PCDHB3: variants seen among roughly 807,000 people sequenced by gnomAD.
PCDHB3 encodes protocadherin beta-3.
For synonymous variants in PCDHB3, 479 were observed against 456.0 expected (o/e 1.05, Z -0.64); for missense variants, 967 against 1,012.1 (o/e 0.96, Z 0.60).
In PCDHB3 at chr5:141,101,944, A is replaced by C. The variant is rs1362240129; in HGVS notation, c.1295A>C (p.Lys432Thr). The part of the protein sequence containing the change: ...TITDLGTPRL[K>T]TKYNITVLVS... ...ACTGACCTGGGGACACCCAGGCTGA[A>C]AACCAAGTACAACATAACCGTGCTG... Residue 432 changes from lysine to threonine, a missense_variant, in exon 1 of 1, where the codon AAA becomes ACA. By Grantham distance (78) the Lys-to-Thr change is moderately conservative. Transcript: ENST00000231130. 2 of 1,613,900 alleles carry C rather than the reference A, an allele frequency of 1.2e-6. No homozygotes were observed. The highest frequency in any genetic ancestry group is 1.7e-6 in the Non-Finnish European group (2 of 1,180,034).
rs1554272419 is a variant in PCDHB3 at position 141,101,963 on chromosome 5, C to A, written c.1314C>A (p.Thr438=). 1.2e-6 allele frequency: 2 copies of A among 1,613,766 alleles called. No homozygotes were observed. The highest frequency in any genetic ancestry group is 1.7e-5 in the Admixed American group (1 of 60,028). Residue 438 remains threonine, a synonymous_variant, in exon 1 of 1, where the codon ACC becomes ACA. Transcript: ENST00000231130. The part of the protein sequence containing the change: ...TPRLKTKYNI[T]VLVSDVNDNA... ...GGCTGAAAACCAAGTACAACATAAC[C>A]GTGCTGGTCTCCGACGTCAATGACA...
At position 141,103,140 on chromosome 5, in the gene PCDHB3, G is replaced by A; in HGVS notation, c.*100G>A. ...AGAGGTCTTTTTTGGTCTGGTTCAA[G>A]GCAAGTAGCAAGAATAGAGCAAAAT... is the stretch of plus-strand genomic sequence containing the variant. On this transcript the variant is annotated 3_prime_UTR_variant, in exon 1 of 1. Coordinates refer to ENST00000231130, the MANE Select transcript of PCDHB3 (RefSeq NM_018937.5). The A allele has an allele frequency of 2.8e-6, 4 of 1,410,060 alleles. No individual in the cohort carries two copies. The highest frequency in any genetic ancestry group is 3.9e-6 in the Non-Finnish European group (4 of 1,038,326). The allele number at this position is 1,410,060 out of a possible 1,614,324, so 87.3% of individuals were successfully genotyped here. A position where few individuals can be genotyped will look rare whatever the true frequency, so the allele number is the denominator to read the frequency against.
Position 141,101,774 on chromosome 5 carries a change from T to G in PCDHB3, c.1125T>G (p.Ser375=). The G allele has an allele frequency of 6.2e-7, 1 of 1,614,158 alleles. No homozygotes were observed. Among genetic ancestry groups the G allele is most frequent in the South Asian group, 1.1e-5 (1 of 91,080 alleles). The change falls in exon 1 of 1, where the codon TCT becomes TCG. Residue 375 remains serine (S), a synonymous_variant. Coordinates refer to ENST00000231130, the MANE Select transcript of PCDHB3 (RefSeq NM_018937.5). ...TTTTCAGTGTTTCTGATCTAGACTCTGGAGACAACGGAAGAGTGATGTGTT... is the reference window on the plus strand; with the variant it reads ...TTTTCAGTGTTTCTGATCTAGACTCGGGAGACAACGGAAGAGTGATGTGTT... The part of the protein sequence containing the change: ...LAVFSVSDLD[S]GDNGRVMCSI...
In PCDHB3 at chr5:141,101,168, T is replaced by G. The variant is rs782484013; in HGVS notation, c.519T>G (p.Thr173=). The G allele has an allele frequency of 6.2e-7, 1 of 1,613,902 alleles. No individual in the cohort carries two copies. The highest frequency in any genetic ancestry group is 1.7e-5 in the Admixed American group (1 of 59,994). The part of the protein sequence containing the change: ...GRNSLQNYTI[T]PNSHFHVLTR... Reference sequence around the variant, plus strand: ...ACAGCCTCCAAAACTACACTATCACTCCGAATTCCCACTTCCACGTACTCA... The same window carrying G: ...ACAGCCTCCAAAACTACACTATCACGCCGAATTCCCACTTCCACGTACTCA... Residue 173 remains threonine (T), a synonymous_variant, in exon 1 of 1, where the codon ACT becomes ACG. Coordinates refer to ENST00000231130, the MANE Select transcript of PCDHB3 (RefSeq NM_018937.5).
Position 141,101,331 on chromosome 5 carries a change from A to C in PCDHB3, c.682A>C (p.Ile228Leu). 1 of 1,614,186 alleles carries C rather than the reference A, an allele frequency of 6.2e-7. No individual in the cohort carries two copies. Among genetic ancestry groups the C allele is most frequent in the Non-Finnish European group, 8.5e-7 (1 of 1,180,044 alleles). Reference sequence around the variant, plus strand: ...TCCCCCTCGGTCTGGGACAGCCCAGATAAACATCCAGGTCTTAGATATAAA... The same window carrying C: ...TCCCCCTCGGTCTGGGACAGCCCAGCTAAACATCCAGGTCTTAGATATAAA... ...GSPPRSGTAQ[I>L]NIQVLDINDN... The change falls in exon 1 of 1, where the codon ATA becomes CTA. Residue 228 changes from isoleucine to leucine, a missense_variant. Coordinates refer to ENST00000231130, the MANE Select transcript of PCDHB3 (RefSeq NM_018937.5).
At position 141,100,662 on chromosome 5, in the gene PCDHB3, G is replaced by A. The variant is rs1751913122; in HGVS notation, c.13G>A (p.Gly5Arg). 5 of 1,599,968 alleles carry A rather than the reference G, an allele frequency of 3.1e-6. No homozygotes were observed. The highest frequency in any genetic ancestry group is 4.3e-6 in the Non-Finnish European group (5 of 1,172,364). Reference protein sequence around the residue: MEAGGERFLRQRQVL... With the variant: MEAGRERFLRQRQVL... Reference sequence around the variant, plus strand: ...GACGGAAAGTGCAATGGAGGCGGGAGGAGAGCGATTTCTTAGACAAAGGCA... The same window carrying A: ...GACGGAAAGTGCAATGGAGGCGGGAAGAGAGCGATTTCTTAGACAAAGGCA... Residue 5 changes from glycine to arginine, a missense_variant, in exon 1 of 1, where the codon GGA (glycine) becomes AGA (arginine). Coordinates refer to ENST00000231130, the MANE Select transcript of PCDHB3 (RefSeq NM_018937.5).
In PCDHB3 at chr5:141,101,788, G is replaced by A; in HGVS notation, c.1139G>A (p.Arg380Lys). 1.2e-6 allele frequency: 2 copies of A among 1,614,098 alleles called. No individual in the cohort carries two copies. Among genetic ancestry groups the A allele is most frequent in the Non-Finnish European group, 1.7e-6 (2 of 1,180,032 alleles). ...VSDLDSGDNGRVMCSIENNLP... is the reference protein window; with the variant it reads ...VSDLDSGDNGKVMCSIENNLP... Reference sequence around the variant, plus strand: ...GATCTAGACTCTGGAGACAACGGAAGAGTGATGTGTTCCATTGAGAACAAT... The same window carrying A: ...GATCTAGACTCTGGAGACAACGGAAAAGTGATGTGTTCCATTGAGAACAAT... The change falls in exon 1 of 1, where the codon AGA (arginine) becomes AAA (lysine). Residue 380 changes from arginine (R) to lysine (K), a missense_variant. By Grantham distance (26) the Arg-to-Lys change is conservative. Coordinates refer to ENST00000231130, the MANE Select transcript of PCDHB3 (RefSeq NM_018937.5).
rs1751918860 is a variant in PCDHB3, at chr5:141,100,834, G to C, written c.185G>C (p.Arg62Thr). 2 of 1,614,092 alleles carry C rather than the reference G, an allele frequency of 1.2e-6. No homozygotes were observed. The highest frequency in any genetic ancestry group is 4.5e-5 in the East Asian group (2 of 44,872). The part of the protein sequence containing the change: ...LGLRVEELAA[R>T]GAQVVSKGNK... ...CTAAGGGTAGAGGAACTGGCCGCGAGGGGGGCCCAAGTTGTGTCCAAAGGG... is the reference window on the plus strand; with the variant it reads ...CTAAGGGTAGAGGAACTGGCCGCGACGGGGGCCCAAGTTGTGTCCAAAGGG... Residue 62 changes from arginine (R) to threonine (T), a missense_variant, in exon 1 of 1, where the codon AGG becomes ACG. Arg to Thr is a moderately conservative substitution (Grantham distance 71). Coordinates refer to ENST00000231130, the MANE Select transcript of PCDHB3 (RefSeq NM_018937.5).
chr5:141,100,624 C>T lies in PCDHB3; in HGVS notation c.-26C>T. ...TCTGAGGTTCAGCTTGGCGACATTC[C>T]CTGGAAGAGCGTGACGGAAAGTGCA... On this transcript the variant is annotated 5_prime_UTR_variant, in exon 1 of 1. Transcript: ENST00000231130. 6.6e-7 allele frequency: 1 copy of T among 1,523,488 alleles called. No individual in the cohort carries two copies. Among genetic ancestry groups the T allele is most frequent in the Non-Finnish European group, 8.9e-7 (1 of 1,119,060 alleles). The allele number at this position is 1,523,488 out of a possible 1,614,324, so 94.4% of individuals were successfully genotyped here. A position where few individuals can be genotyped will look rare whatever the true frequency, so the allele number is the denominator to read the frequency against.
rs368709462 is a variant in PCDHB3 at position 141,101,308 on chromosome 5, C to G, written c.659C>G (p.Pro220Arg). ...CTCACCGCGCTGGACGGCGGCTCTC[C>G]CCCTCGGTCTGGGACAGCCCAGATA... ...LTLTALDGGS[P>R]PRSGTAQINI... is the part of the protein sequence containing the mutation. Residue 220 changes from proline (P) to arginine (R), a missense_variant, in exon 1 of 1, where the codon CCC (proline) becomes CGC (arginine). Pro to Arg is a moderately radical substitution (Grantham distance 103). Transcript: ENST00000231130. 3.7e-6 allele frequency: 6 copies of G among 1,613,922 alleles called. No individual in the cohort carries two copies. The African/African-American group carries it at 8.0e-5, about 22-fold the overall frequency.
In PCDHB3 at chr5:141,100,575, G is replaced by A. The variant is rs556998538; in HGVS notation, c.-75G>A. On this transcript the variant is annotated 5_prime_UTR_variant, in exon 1 of 1. Transcript: ENST00000231130. ...CTAGGCCGTCTACAAAGGTTGTGGG[G>A]CAAAAGACTGTTTCCCAGCTCTGTC... The A allele has an allele frequency of 2.0e-4, 232 of 1,187,496 alleles. 2 individuals are homozygous for A. In the African/African-American group the frequency reaches 3.4e-3, roughly 17 times the overall value. 73.6% of individuals were successfully genotyped at this position (1,187,496 alleles called of 1,614,324 possible). A position where few individuals can be genotyped will look rare whatever the true frequency, so the allele number is the denominator to read the frequency against.
Position 141,101,737 on chromosome 5 carries a change from CTG to C in PCDHB3, c.1090_1091del (p.Val364ThrfsTer8). ...CCTATTCCTGAGAACTCGGGAGAGA[CTG>C]TACTGGCTGTTTTCAGTGTTTCTGA... On this transcript the variant is annotated frameshift_variant, in exon 1 of 1. Transcript: ENST00000231130. LOFTEE classifies it low-confidence loss of function (END_TRUNC). 3 of 1,614,024 alleles carry C rather than the reference CTG, an allele frequency of 1.9e-6. No individual in the cohort carries two copies. Among genetic ancestry groups the C allele is most frequent in the Non-Finnish European group, 1.7e-6 (2 of 1,180,002 alleles).
At position 141,101,908 on chromosome 5, in the gene PCDHB3, C is replaced by G. The variant is rs782314553; in HGVS notation, c.1259C>G (p.Thr420Ser). The G allele has an allele frequency of 3.1e-6, 5 of 1,614,020 alleles. No individual in the cohort carries two copies. In the Admixed American group the frequency reaches 8.3e-5, roughly 27 times the overall value. Residue 420 changes from threonine (T) to serine (S), a missense_variant, in exon 1 of 1, where the codon ACC (threonine) becomes AGC (serine). Thr to Ser is a moderately conservative substitution (Grantham distance 58, BLOSUM62 1). Coordinates refer to ENST00000231130, the MANE Select transcript of PCDHB3 (RefSeq NM_018937.5). ...GAGACCAGATCCGAGTACAACATTACCATCACTATCACTGACCTGGGGACA... is the reference window on the plus strand; with the variant it reads ...GAGACCAGATCCGAGTACAACATTAGCATCACTATCACTGACCTGGGGACA... ...DRETRSEYNI[T>S]ITITDLGTPR...
rs781909096 is a variant in PCDHB3 at position 141,102,244 on chromosome 5, G to T, written c.1595G>T (p.Gly532Val). ...EALQAFEFRV[G>V]ATDRGSPALS... is the part of the protein sequence containing the mutation. ...CTGCAGGCGTTCGAGTTCCGCGTGG[G>T]CGCCACAGACCGTGGCTCCCCGGCT... Residue 532 changes from glycine to valine, a missense_variant, in exon 1 of 1, where the codon GGC becomes GTC. Gly to Val is a moderately radical substitution (Grantham distance 109, BLOSUM62 -3). Transcript: ENST00000231130. 2 of 1,612,394 alleles carry T rather than the reference G, an allele frequency of 1.2e-6. No individual in the cohort carries two copies. The highest frequency in any genetic ancestry group is 1.7e-5 in the Admixed American group (1 of 60,018).
In PCDHB3 at chr5:141,100,831, C is replaced by T. The variant is rs1563834446; in HGVS notation, c.182C>T (p.Ala61Val). Residue 61 changes from alanine to valine, a missense_variant, in exon 1 of 1, where the codon GCG becomes GTG. Physicochemically the swap from Ala to Val is moderately conservative, Grantham distance 64 (BLOSUM62 0). Transcript: ENST00000231130. Reference sequence around the variant, plus strand: ...GGACTAAGGGTAGAGGAACTGGCCGCGAGGGGGGCCCAAGTTGTGTCCAAA... The same window carrying T: ...GGACTAAGGGTAGAGGAACTGGCCGTGAGGGGGGCCCAAGTTGTGTCCAAA... ...DLGLRVEELA[A>V]RGAQVVSKGN... 6.2e-7 allele frequency: 1 copy of T among 1,614,008 alleles called. No homozygotes were observed. The highest frequency in any genetic ancestry group is 8.5e-7 in the Non-Finnish European group (1 of 1,180,010).
chr5:141,101,628 C>T lies in PCDHB3; in HGVS notation c.979C>T (p.Leu327=), dbSNP rs538935672. 9.9e-6 allele frequency: 16 copies of T among 1,613,988 alleles called. No homozygotes were observed. The South Asian group carries it at 1.8e-4, about 18-fold the overall frequency. ...VDIEAKDGGG[L]SGKSTVIVQV... ...CATCGAGGCCAAGGATGGCGGAGGC[C>T]TATCCGGAAAGTCTACAGTCATAGT... Residue 327 remains leucine, a synonymous_variant, in exon 1 of 1, where the codon CTA becomes TTA. Coordinates refer to ENST00000231130, the MANE Select transcript of PCDHB3 (RefSeq NM_018937.5).
At position 141,102,031 on chromosome 5, in the gene PCDHB3, G is replaced by T. The variant is rs199816089; in HGVS notation, c.1382G>T (p.Arg461Leu). 4 of 1,613,092 alleles carry T rather than the reference G, an allele frequency of 2.5e-6. No homozygotes were observed. Among genetic ancestry groups the T allele is most frequent in the Non-Finnish European group, 3.4e-6 (4 of 1,180,026 alleles). ...CAAATCTCCTACACCCTGTTCGTCC[G>T]CGAGAACAACAGCCCCGCCCTGCAC... ...FTQISYTLFV[R>L]ENNSPALHIG... The change falls in exon 1 of 1, where the codon CGC (arginine) becomes CTC (leucine). Residue 461 changes from arginine (R) to leucine (L), a missense_variant. Transcript: ENST00000231130.
In PCDHB3 at chr5:141,100,822, A is replaced by G. The variant is rs1554272090; in HGVS notation, c.173A>G (p.Glu58Gly). The G allele has an allele frequency of 6.2e-7, 1 of 1,614,154 alleles. No homozygotes were observed. The highest frequency in any genetic ancestry group is 1.1e-5 in the South Asian group (1 of 91,082). ...AAGGATCTGGGACTAAGGGTAGAGGAACTGGCCGCGAGGGGGGCCCAAGTT... is the reference window on the plus strand; with the variant it reads ...AAGGATCTGGGACTAAGGGTAGAGGGACTGGCCGCGAGGGGGGCCCAAGTT... The part of the protein sequence containing the change: ...LAKDLGLRVE[E>G]LAARGAQVVS... The change falls in exon 1 of 1, where the codon GAA (glutamate) becomes GGA (glycine). Residue 58 changes from glutamate (E) to glycine (G), a missense_variant. Physicochemically the swap from Glu to Gly is moderately conservative, Grantham distance 98 (BLOSUM62 -2). Coordinates refer to ENST00000231130, the MANE Select transcript of PCDHB3 (RefSeq NM_018937.5).
Position 141,102,323 on chromosome 5 carries a change from G to T in PCDHB3, c.1674G>T (p.Ser558=), listed in dbSNP as rs782442020. 4 of 1,611,388 alleles carry T rather than the reference G, an allele frequency of 2.5e-6. No individual in the cohort carries two copies. In the South Asian group the frequency reaches 3.3e-5, roughly 13 times the overall value. The change falls in exon 1 of 1, where the codon TCG becomes TCT. Residue 558 remains serine (S), a synonymous_variant. Coordinates refer to ENST00000231130, the MANE Select transcript of PCDHB3 (RefSeq NM_018937.5). ...RVLVLDANDN[S]PFVLYPLQNG... is the part of the protein sequence containing the mutation. ...TGGTGCTGGACGCCAACGACAACTC[G>T]CCCTTCGTGCTGTACCCGCTGCAGA...
Sources: gnomAD v4.1 joint callset for allele counts on GRCh38, gnomAD v4.1.1 for gene constraint, MANE v1.5 for transcripts, NCBI Gene and HGNC (gene_info 2026-07-23, HGNC 2026-07-21) for gene names.